Variants in OSTN observed in about 807,000 individuals in gnomAD.
OSTN encodes osteocrin.
A neutral mutation model predicts 12.0 loss-of-function variants in OSTN; 9 were observed. The ratio of observed to expected loss-of-function variants is 0.75; its 90% CI spans 0.45 to 1.30. The LOEUF is 1.30. OSTN is among the 50% of genes most tolerant of loss of function. OSTN has a pLI of 0.00. For synonymous variants in OSTN, 59 were observed against 56.9 expected (o/e 1.04, Z -0.16); for missense variants, 148 against 152.3 (o/e 0.97, Z 0.15).
intron 1 of OSTN, among the ~76,000 whole-genome samples, chr3:191,199,767 T>G (rs1396252003): frequency 1.3e-5 from 2 of 152,110 alleles, no homozygotes; most frequent in Admixed American, 1.3e-4. Flanking sequence ...TCTTATGTTC[T>G]TAAAACCTAA....
rs569799605 is a variant in OSTN at position 191,238,530 on chromosome 3, G to T, written c.318-11507G>T. On this transcript the variant is annotated intron_variant, in intron 3 of 4. Transcript: ENST00000682035. Reference sequence around the variant, plus strand: ...TAAACATGTGAAAAGAGGGAGTAGAGGAAACGAGGCTGTGATACAGCGTTG... The same window carrying T: ...TAAACATGTGAAAAGAGGGAGTAGATGAAACGAGGCTGTGATACAGCGTTG... Among the ~76,000 whole-genome samples, 14 of 152,296 alleles carry T rather than the reference G, an allele frequency of 9.2e-5. No individual in the cohort carries two copies. In the South Asian group the frequency reaches 2.9e-3, roughly 32 times the overall value.
intron 4 of OSTN, among the ~76,000 whole-genome samples, chr3:191,260,381 C>A (rs1485644904): frequency 6.6e-6 from 1 of 151,914 alleles, no homozygotes; most frequent in East Asian, 1.9e-4. Flanking sequence ...AAAGATTCCC[C>A]CACCAAAAAT....
intron 1 of OSTN, among the ~76,000 whole-genome samples, chr3:191,205,634 CTG>C (rs964336646): frequency 2.1e-4 from 32 of 151,810 alleles, no homozygotes; most frequent in African/African-American, 7.5e-4. Flanking sequence ...TCTTGACAGA[CTG>C]TTAATTCAAA....
chr3:191,255,181 A>G (rs764426300), intron 4 of OSTN, among the ~76,000 whole-genome samples: 1 of 152,054 alleles, frequency 6.6e-6, no homozygotes, highest in African/African-American at 2.4e-5. Context: ...ACAGTTCACA[A>G]TAGGATTCGT....
intron 3 of OSTN, among the ~76,000 whole-genome samples, chr3:191,231,136 G>A (rs796146610): frequency 4.6e-5 from 7 of 152,052 alleles, no homozygotes; most frequent in African/African-American, 1.7e-4. Flanking sequence ...TTTTTGTTCT[G>A]AAAGCAAATC....
chr3:191,206,957 C>G (rs9849275), intron 1 of OSTN, among the ~76,000 whole-genome samples: 36,422 of 152,090 alleles, frequency 0.24, 4,825 homozygotes, highest in Middle Eastern at 0.49. Flanking sequence ...AGCTGACTCA[C>G]GACTTGCCTG....
intron 4 of OSTN, among the ~76,000 whole-genome samples, chr3:191,261,358 T>C (rs9917716): frequency 0.46 from 69,763 of 152,058 alleles, 17,031 homozygotes; most frequent in Non-Finnish European, 0.54. Flanking sequence ...ACAGAAAGAA[T>C]GCAGGCTCAG....
At chr3:191,249,017 G>A (rs1715500901) in intron 3 of OSTN, among the ~76,000 whole-genome samples, 1 of 152,036 alleles carries the variant, frequency 6.6e-6, no homozygotes, top group Admixed American at 6.6e-5. Flanking sequence ...CTTGGTCTGG[G>A]AATTTATTAC....
intron 3 of OSTN, among the ~76,000 whole-genome samples, chr3:191,235,119 T>A (rs73199661): frequency 6.6e-6 from 1 of 152,084 alleles, no homozygotes; most frequent in Non-Finnish European, 1.5e-5. Flanking sequence ...CCCATCCCCA[T>A]GCATTCCAAC....
chr3:191,230,711 A>T (rs1350242779), intron 3 of OSTN, among the ~76,000 whole-genome samples: 1 of 152,192 alleles, frequency 6.6e-6, no homozygotes, highest in African/African-American at 2.4e-5. Flanking sequence ...GCATTCTGCA[A>T]CCATTCATAT....
At chr3:191,211,086 T>G (rs1417247404) in intron 1 of OSTN, among the ~76,000 whole-genome samples, 2 of 152,196 alleles carry the variant, frequency 1.3e-5, no homozygotes, top group Admixed American at 1.3e-4. Flanking sequence ...TTCCCTTATG[T>G]TTTTTCTATA....
chr3:191,203,893 T>C (rs1714208871), intron 1 of OSTN, among the ~76,000 whole-genome samples: 2 of 152,130 alleles, frequency 1.3e-5, no homozygotes, highest in African/African-American at 4.8e-5. Flanking sequence ...TATTTATTTA[T>C]TTATTTATTT....
At chr3:191,206,016 C>G (rs1029434288) in intron 1 of OSTN, among the ~76,000 whole-genome samples, 3 of 152,064 alleles carry the variant, frequency 2.0e-5, no homozygotes, top group Admixed American at 1.3e-4. Context: ...GAAACCCTGT[C>G]TCTAGTAAAA....
chr3:191,253,259 G>T (rs1715600061), intron 4 of OSTN, among the ~76,000 whole-genome samples: 1 of 152,140 alleles, frequency 6.6e-6, no homozygotes, highest in Non-Finnish European at 1.5e-5. Context: ...CATCTTCCGG[G>T]TTTCACTTTA....
intron 4 of OSTN, among the ~76,000 whole-genome samples, chr3:191,260,563 C>A (rs541000563): frequency 3.3e-4 from 50 of 152,182 alleles, no homozygotes; most frequent in Non-Finnish European, 5.7e-4. Context: ...AACCAGGCAA[C>A]AACGGCTGAG....
chr3:191,244,140 G>A (rs1186600854), intron 3 of OSTN, among the ~76,000 whole-genome samples: 2 of 152,178 alleles, frequency 1.3e-5, no homozygotes, highest in East Asian at 3.9e-4. Flanking sequence ...CTGTATGTGT[G>A]AAGTGATTCT....
rs1217272331 is a variant in OSTN at position 191,249,972 on chromosome 3, A to G, written c.318-65A>G. On this transcript the variant is annotated intron_variant, in intron 3 of 4. Coordinates refer to ENST00000682035, the MANE Select transcript of OSTN (RefSeq NM_198184.2). The stretch of plus-strand genomic sequence containing the variant: ...AAGCCCCCAGAGCTACATAAAATAA[A>G]GAACAAAAATAATGATCAATAACTT... The G allele has an allele frequency of 4.0e-6, 5 of 1,262,996 alleles. No individual in the cohort carries two copies. In the East Asian group the frequency reaches 1.2e-4, roughly 29 times the overall value. 78.2% of individuals were successfully genotyped at this position (1,262,996 alleles called of 1,614,324 possible). A position where few individuals can be genotyped will look rare whatever the true frequency, so the allele number is the denominator to read the frequency against.
chr3:191,235,474 C>G (rs1560120573), intron 3 of OSTN, among the ~76,000 whole-genome samples: 1 of 152,180 alleles, frequency 6.6e-6, no homozygotes, highest in Non-Finnish European at 1.5e-5. Context: ...AAAACAAAGT[C>G]TTACTTGACA....
At position 191,241,167 on chromosome 3, in the gene OSTN, C is replaced by CTTTTTTTTTTTTTTTTTTTT. The variant is rs575332839; in HGVS notation, c.318-8860_318-8841dup. 4.7e-4 allele frequency among the ~76,000 whole-genome samples: 22 copies of CTTTTTTTTTTTTTTTTTTTT among 46,468 alleles called. 8 individuals carry two copies. The highest frequency in any genetic ancestry group is 1.5e-3 in the Admixed American group (4 of 2,666). 30.5% of individuals were successfully genotyped at this position (46,468 alleles called of 152,430 possible). ...AAGTTGGTGGAGCTCTGTGCCTTGA[C>CTTTTTTTTTTTTTTTTTTTT]TTTTTTTTTTTTTTTTTTTTTTTTT... On this transcript the variant is annotated intron_variant, in intron 3 of 4. Transcript: ENST00000682035.
Sources: allele counts gnomAD v4.1 joint callset (sites outside exome capture counted in the v4.1 genomes callset), GRCh38; gene constraint gnomAD v4.1.1; transcripts MANE v1.5; gene names NCBI Gene and HGNC (gene_info 2026-07-23, HGNC 2026-07-21).